Variants in AFG2A observed in about 807,000 individuals in gnomAD.
AFG2A encodes AAA ATPase AFG2A.
At chr4:123,292,732 G>A in the AFG2A span, among the ~76,000 whole-genome samples, 1 of 152,080 alleles carries the variant, frequency 6.6e-6, no homozygotes, top group Admixed American at 6.6e-5. Flanking sequence ...TCGTGGGGCT[G>A]GAATGGCAGA....
the AFG2A span, among the ~76,000 whole-genome samples, chr4:123,225,872 C>G: frequency 6.6e-6 from 1 of 152,150 alleles, no homozygotes; most frequent in South Asian, 2.1e-4. Context: ...TTGTTCGTAT[C>G]CTCTTTTATT....
At chr4:122,949,784 C>T in the AFG2A span, among the ~76,000 whole-genome samples, 1 of 152,222 alleles carries the variant, frequency 6.6e-6, no homozygotes, top group African/African-American at 2.4e-5. Context: ...TATAGTGTTT[C>T]ATGAGAGGAT....
chr4:123,170,456 G>C, the AFG2A span, among the ~76,000 whole-genome samples: 1 of 152,130 alleles, frequency 6.6e-6, no homozygotes, highest in Non-Finnish European at 1.5e-5. Context: ...CTTTTTGATA[G>C]AAAACATGGA....
At chr4:123,241,980 A>C in the AFG2A span, among the ~76,000 whole-genome samples, 1 of 152,194 alleles carries the variant, frequency 6.6e-6, no homozygotes, top group Non-Finnish European at 1.5e-5. Context: ...ATTCCTATAC[A>C]CCAATAACAG....
At chr4:123,001,770 T>A in the AFG2A span, among the ~76,000 whole-genome samples, 1 of 152,182 alleles carries the variant, frequency 6.6e-6, no homozygotes, top group African/African-American at 2.4e-5. Flanking sequence ...CTGAGAAGAA[T>A]GTATATTCTG....
the AFG2A span, among the ~76,000 whole-genome samples, chr4:122,958,269 T>C: frequency 6.6e-6 from 1 of 152,232 alleles, no homozygotes; most frequent in South Asian, 2.1e-4. Context: ...AAGCTTTGGC[T>C]CTGATACGGC....
the AFG2A span, among the ~76,000 whole-genome samples, chr4:123,176,498 A>G: frequency 6.6e-6 from 1 of 152,214 alleles, no homozygotes; most frequent in African/African-American, 2.4e-5. Context: ...AATATTATTT[A>G]TATAAATTAC....
the AFG2A span, among the ~76,000 whole-genome samples, chr4:123,082,840 TC>T: frequency 6.6e-6 from 1 of 152,132 alleles, no homozygotes; most frequent in Admixed American, 6.5e-5. Flanking sequence ...TCTTCAGTTT[TC>T]TTTCATTGGT....
the AFG2A span, among the ~76,000 whole-genome samples, chr4:123,176,485 CAT>C: frequency 6.6e-6 from 1 of 152,068 alleles, no homozygotes; most frequent in East Asian, 1.9e-4. Flanking sequence ...AGTCCTATAA[CAT>C]AATATTATTT....
At chr4:123,107,325 G>A in the AFG2A span, among the ~76,000 whole-genome samples, 1 of 152,350 alleles carries the variant, frequency 6.6e-6, no homozygotes, top group Admixed American at 6.5e-5. Flanking sequence ...CAACTGGAGG[G>A]TGAGCAAGGT....
At chr4:123,040,830 C>G in the AFG2A span, among the ~76,000 whole-genome samples, 1 of 152,030 alleles carries the variant, frequency 6.6e-6, no homozygotes, top group East Asian at 1.9e-4. Context: ...TATGAAGTCA[C>G]TCTGTAGTAT....
chr4:123,213,047 T>G, the AFG2A span, among the ~76,000 whole-genome samples: 4 of 152,156 alleles, frequency 2.6e-5, no homozygotes, highest in African/African-American at 9.6e-5. Flanking sequence ...AGTTTTTACT[T>G]GGACCTTCCA....
chr4:123,142,862 G>A, the AFG2A span, among the ~76,000 whole-genome samples: 2 of 152,164 alleles, frequency 1.3e-5, no homozygotes, highest in East Asian at 1.9e-4. Flanking sequence ...TAATTTATAC[G>A]AATCATTTGG....
the AFG2A span, among the ~76,000 whole-genome samples, chr4:123,270,927 G>A: frequency 0.01 from 1,526 of 152,254 alleles, 36 homozygotes; most frequent in African/African-American, 0.035. Context: ...GGCCAGCTAC[G>A]TTTAGAAATC....
the AFG2A span, among the ~76,000 whole-genome samples, chr4:123,070,745 G>A: frequency 0.13 from 20,186 of 152,058 alleles, 1,890 homozygotes; most frequent in East Asian, 0.45. Flanking sequence ...ATGATCCTTC[G>A]CATGTTTTGA....
the AFG2A span, among the ~76,000 whole-genome samples, chr4:123,252,184 T>G: frequency 6.6e-6 from 1 of 152,196 alleles, no homozygotes; most frequent in Non-Finnish European, 1.5e-5. Flanking sequence ...CCAAATTTAT[T>G]TAACAAGAAA....
chr4:123,249,959 C>G, the AFG2A span, among the ~76,000 whole-genome samples: 1 of 152,106 alleles, frequency 6.6e-6, no homozygotes, highest in African/African-American at 2.4e-5. Flanking sequence ...GAACTATTCT[C>G]TCCATGAATC....
At chr4:123,255,947 C>G in the AFG2A span, 1 of 1,570,204 alleles carries the variant, frequency 6.4e-7, no homozygotes, top group South Asian at 1.1e-5. Flanking sequence ...ACATCTTTCC[C>G]TAGGTATCTT....
chr4:122,968,932 G>T, the AFG2A span, among the ~76,000 whole-genome samples: 3 of 151,888 alleles, frequency 2.0e-5, no homozygotes, highest in Admixed American at 2.0e-4. Flanking sequence ...TGATGTGCCT[G>T]TCAAGTATCT....
Sources: allele counts gnomAD v4.1 joint callset (sites outside exome capture counted in the v4.1 genomes callset), GRCh38; gene constraint gnomAD v4.1.1; transcripts MANE v1.5; gene names NCBI Gene and HGNC (gene_info 2026-07-23, HGNC 2026-07-21).